Variants in TTC6 observed in about 807,000 individuals in gnomAD.
TTC6 encodes tetratricopeptide repeat domain 6.
Under a neutral mutation model 210.4 loss-of-function variants are expected in TTC6, and 172 were observed. That is an observed-to-expected ratio of 0.82 (90% CI 0.72 to 0.93). The LOEUF is 0.93. Among genes scored for constraint, TTC6 ranks in the 40% least tolerant of loss-of-function variants. The pLI is 0.00. For missense variants in TTC6, 2,414 were observed against 2,318.1 expected, an observed-to-expected ratio of 1.04 and a Z score of -0.85; for synonymous variants, 804 against 819.6, an observed-to-expected ratio of 0.98 and a Z score of 0.32.
At chr14:37,750,009 C>T (rs1368969037) in intron 12 of TTC6, among the ~76,000 whole-genome samples, 166 bp downstream of exon 14, 1 of 152,024 alleles carries the variant, frequency 6.6e-6, no homozygotes, top group Admixed American at 6.6e-5. Flanking sequence ...CTCGTACAAT[C>T]CTATAGTGTT....
chr14:37,798,354 G>GT (rs899740253), intron 20 of TTC6, among the ~76,000 whole-genome samples: 8 of 149,906 alleles, frequency 5.3e-5, no homozygotes, highest in African/African-American at 1.7e-4. Context: ...TAGTTTTCCA[G>GT]TTTTTTTTCA....
chr14:37,836,549 A>G (rs911766257), intron 29 of TTC6, among the ~76,000 whole-genome samples: 29 of 152,138 alleles, frequency 1.9e-4, no homozygotes, highest in African/African-American at 7.0e-4. Flanking sequence ...TTTTAAGTAT[A>G]ACTCTATTCC....
intron 14 of TTC6, among the ~76,000 whole-genome samples, chr14:37,767,486 G>A (rs2096003043): frequency 6.6e-6 from 1 of 152,100 alleles, no homozygotes; most frequent in African/African-American, 2.4e-5. Context: ...TTTAATGATT[G>A]CCATTCTAAC....
chr14:37,678,451 C>T (rs2095775235), intron 1 of TTC6, among the ~76,000 whole-genome samples: 1 of 152,180 alleles, frequency 6.6e-6, no homozygotes, highest in African/African-American at 2.4e-5. Flanking sequence ...GGCAGACTTT[C>T]AGCCAAAGCC....
intron 4 of TTC6, among the ~76,000 whole-genome samples, chr14:37,697,275 C>T (rs2095816709): frequency 6.6e-6 from 1 of 152,040 alleles, no homozygotes; most frequent in Non-Finnish European, 1.5e-5. Flanking sequence ...TTTTTCTCTA[C>T]CATTAATATC....
intron 1 of TTC6, among the ~76,000 whole-genome samples, chr14:37,629,466 G>A (rs2095665714): frequency 6.6e-6 from 1 of 152,092 alleles, no homozygotes; most frequent in Non-Finnish European, 1.5e-5. Flanking sequence ...TGTATCCTGA[G>A]ACTTTGCTGA....
At chr14:37,597,319 C>G (rs2139197374) in intron 1 of TTC6, among the ~76,000 whole-genome samples, 1 of 152,218 alleles carries the variant, frequency 6.6e-6, no homozygotes, top group Middle Eastern at 3.4e-3. Context: ...CTTGTTCCTT[C>G]TGGAGGTGAT....
intron 14 of TTC6, among the ~76,000 whole-genome samples, chr14:37,770,272 A>G (rs897832203): frequency 6.6e-5 from 10 of 152,124 alleles, no homozygotes; most frequent in Admixed American, 1.3e-4. Flanking sequence ...AAAAAAATGT[A>G]TATTCTGTTG....
At chr14:37,771,387 C>A (rs1192963728) in intron 14 of TTC6, among the ~76,000 whole-genome samples, 1 of 152,102 alleles carries the variant, frequency 6.6e-6, no homozygotes, top group Non-Finnish European at 1.5e-5. Context: ...TGGATAATAT[C>A]CTGCAGAGTG....
chr14:37,836,555 A>G (rs141223815), intron 29 of TTC6, among the ~76,000 whole-genome samples: 3 of 152,222 alleles, frequency 2.0e-5, no homozygotes, highest in South Asian at 2.1e-4. Context: ...GTATAACTCT[A>G]TTCCTTCCAA....
chr14:37,669,869 A>G (rs1387731415), intron 1 of TTC6, among the ~76,000 whole-genome samples: 2 of 152,150 alleles, frequency 1.3e-5, no homozygotes, highest in Non-Finnish European at 2.9e-5. Context: ...TGAAGTATTT[A>G]TTTATGTTAT....
chr14:37,792,414 G>T, exon 17 of TTC6: 2 of 1,486,618 alleles, frequency 1.3e-6, no homozygotes, highest in Non-Finnish European at 1.8e-6. Flanking sequence ...CCTATTTTAA[G>T]GTATTTAAGG....
At chr14:37,782,023 A>T (rs2096056295) in intron 14 of TTC6, among the ~76,000 whole-genome samples, 1 of 152,182 alleles carries the variant, frequency 6.6e-6, no homozygotes, top group South Asian at 2.1e-4. Flanking sequence ...TGTTTTGGTT[A>T]CTGTAGCCTT....
At chr14:37,632,358 T>G (rs1319604954) in intron 1 of TTC6, among the ~76,000 whole-genome samples, 1 of 152,230 alleles carries the variant, frequency 6.6e-6, no homozygotes, top group Non-Finnish European at 1.5e-5. Flanking sequence ...TAATTTACCT[T>G]CAAACAGTGA....
At chr14:37,729,119 T>C (rs889203775) in intron 7 of TTC6, among the ~76,000 whole-genome samples, 1 of 152,230 alleles carries the variant, frequency 6.6e-6, no homozygotes, top group African/African-American at 2.4e-5. Flanking sequence ...TTTTTCTGTT[T>C]GGAATTCCTA....
At chr14:37,831,795 T>A (rs1204392348) in intron 29 of TTC6, among the ~76,000 whole-genome samples, 1 of 152,126 alleles carries the variant, frequency 6.6e-6, no homozygotes, top group Non-Finnish European at 1.5e-5. Flanking sequence ...TCTTTTTTGT[T>A]GCTGTTGTTT....
chr14:37,665,348 G>A (rs1241821485), intron 1 of TTC6, among the ~76,000 whole-genome samples: 1 of 150,364 alleles, frequency 6.7e-6, no homozygotes, highest in Non-Finnish European at 1.5e-5. Flanking sequence ...TCCTTTGCAG[G>A]GACATGGATG....
At chr14:37,703,278 T>C (rs1482341857) in intron 5 of TTC6, among the ~76,000 whole-genome samples, 1 of 152,118 alleles carries the variant, frequency 6.6e-6, no homozygotes, top group East Asian at 1.9e-4. Context: ...TTTCTTCAAG[T>C]AGACCTCACT....
rs146583072 is a variant in TTC6, at chr14:37,669,203, T to G, written c.940-10948T>G. On this transcript the variant is annotated intron_variant, in intron 1 of 30. Transcript: ENST00000553443. ...TTTCCTTTTTGAATTAGAATCTGGC[T>G]GTGAGCAAAACCATGTTAGAGAACC... Among the ~76,000 whole-genome samples the G allele has an allele frequency of 4.2e-3, 634 of 152,338 alleles. 2 individuals are homozygous for G. Among genetic ancestry groups the G allele is most frequent in the African/African-American group, 0.015 (604 of 41,576 alleles).
Sources: gnomAD v4.1 joint callset for allele counts (sites outside exome capture counted in the v4.1 genomes callset) on GRCh38, gnomAD v4.1.1 for gene constraint, MANE v1.5 for transcripts, NCBI Gene and HGNC (gene_info 2026-07-23, HGNC 2026-07-21) for gene names.